Variants in COG5 observed in about 807,000 individuals in gnomAD.
COG5 encodes the protein conserved oligomeric Golgi complex subunit 5.
Under a neutral mutation model 110.4 loss-of-function variants are expected in COG5, and 86 were observed. That is an observed-to-expected ratio of 0.78 (90% confidence interval 0.65 to 0.93). COG5 has a LOEUF of 0.93. Ranked by LOEUF, COG5 falls within the 40% of genes least tolerant of loss-of-function variation. COG5 has a pLI of 0.00. For missense variants in COG5, 1,077 were observed against 987.0 expected (o/e 1.09, Z -1.22); for synonymous variants, 360 against 334.6 (o/e 1.08, Z -0.83).
At chr7:107,327,223 G>A (rs1809850649) in intron 10 of COG5, among the ~76,000 whole-genome samples, 1 of 152,074 alleles carries the variant, frequency 6.6e-6, no homozygotes, top group Admixed American at 6.6e-5. Context: ...AAATGCTGCT[G>A]GGAAAACTGG....
At position 107,415,908 on chromosome 7, in the gene COG5, ATG is replaced by A. The variant is rs1241042709; in HGVS notation, c.539-3278_539-3277del. Among the ~76,000 whole-genome samples, 16 of 116,760 alleles carry A rather than the reference ATG, an allele frequency of 1.4e-4. 4 individuals are homozygous for A. Among genetic ancestry groups the A allele is most frequent in the African/African-American group, 5.0e-4 (14 of 27,994 alleles). 76.6% of individuals were successfully genotyped at this position (116,760 alleles called of 152,430 possible). A position where few individuals can be genotyped will look rare whatever the true frequency, so the allele number is the denominator to read the frequency against. ...TATATACACACACATACACGTATGT[ATG>A]TATGTGTGTGTATATACACACACAT... On this transcript the variant is annotated intron_variant, in intron 6 of 21. Transcript: ENST00000297135.
chr7:107,480,980 C>T (rs947200063), intron 6 of COG5: 1 of 152,168 alleles, frequency 6.6e-6, no homozygotes, highest in African/African-American at 2.4e-5. Context: ...CATACATTTT[C>T]TACAGGCCTC....
chr7:107,519,174 A>G (rs1412549344), intron 6 of COG5, among the ~76,000 whole-genome samples: 1 of 152,182 alleles, frequency 6.6e-6, no homozygotes, highest in Non-Finnish European at 1.5e-5. Context: ...AATTTATAGC[A>G]CTAAATGCCC....
At chr7:107,292,553 C>G (rs1395160573) in intron 12 of COG5, among the ~76,000 whole-genome samples, 1 of 152,172 alleles carries the variant, frequency 6.6e-6, no homozygotes, top group Non-Finnish European at 1.5e-5. Context: ...ATAACAAAAG[C>G]CTACCAAGAG....
Position 107,231,235 on chromosome 7 carries a change from C to T in COG5, c.2092-544G>A, listed in dbSNP as rs1800755500. On this transcript the variant is annotated intron_variant, in intron 18 of 21. Coordinates refer to ENST00000297135, the MANE Select transcript of COG5 (RefSeq NM_006348.5). ...CATCTGTAAAATGGAGATAATAATA[C>T]CTACTTAATAGAATAATGCAAATTA... Among the ~76,000 whole-genome samples, 2 of 152,222 alleles carry T rather than the reference C, an allele frequency of 1.3e-5. 1 individual carries two copies. The highest frequency in any genetic ancestry group is 6.8e-3 in the Middle Eastern group (2 of 294).
chr7:107,557,933 T>G, intron 2 of COG5, 43 bp downstream of exon 2: 1 of 1,609,186 alleles, frequency 6.2e-7, no homozygotes, highest in Non-Finnish European at 8.5e-7. Flanking sequence ...AAATTATCAC[T>G]TTAGGCTGAA....
chr7:107,447,088 T>C (rs1199600957), intron 6 of COG5, among the ~76,000 whole-genome samples: 3 of 152,198 alleles, frequency 2.0e-5, no homozygotes, highest in African/African-American at 7.2e-5. Flanking sequence ...GTTCAGTTCC[T>C]TGTAGTTGCA....
At chr7:107,224,169 C>T (rs1373170900) in intron 19 of COG5, among the ~76,000 whole-genome samples, 5 of 151,944 alleles carry the variant, frequency 3.3e-5, no homozygotes, top group African/African-American at 9.7e-5. Flanking sequence ...GATCCACAAG[C>T]GGAAAGAAAA....
Position 107,514,329 on chromosome 7 carries a change from T to TACACAC in COG5, c.538+12902_538+12907dup, listed in dbSNP as rs61351697. Among the ~76,000 whole-genome samples the TACACAC allele has an allele frequency of 7.4e-3, 1,080 of 145,712 alleles. 11 individuals are homozygous for TACACAC. Among genetic ancestry groups the TACACAC allele is most frequent in the African/African-American group, 0.023 (909 of 39,940 alleles). ...TTTTCTATATAAACATGGCCTATTT[T>TACACAC]ACACACACACACACACACACACACA... On this transcript the variant is annotated intron_variant, in intron 6 of 21. Coordinates refer to ENST00000297135, the MANE Select transcript of COG5 (RefSeq NM_006348.5).
chr7:107,517,500 A>T lies in COG5; in HGVS notation c.538+9737T>A, dbSNP rs1800009562. ...AAATTCAGGAAATACAGAGAACACC[A>T]CTAAGATATTCCATGAGAAGATAAA... On this transcript the variant is annotated intron_variant, in intron 6 of 21. Coordinates refer to ENST00000297135, the MANE Select transcript of COG5 (RefSeq NM_006348.5). Among the ~76,000 whole-genome samples the T allele has an allele frequency of 2.6e-5, 4 of 152,140 alleles. No individual in the cohort carries two copies. The South Asian group carries it at 8.3e-4, about 32-fold the overall frequency.
intron 7 of COG5, among the ~76,000 whole-genome samples, chr7:107,389,965 A>T (rs755425344): frequency 6.6e-6 from 1 of 152,210 alleles, no homozygotes; most frequent in Non-Finnish European, 1.5e-5. Flanking sequence ...TAAGGGAACC[A>T]ATATTTCTAT....
intron 10 of COG5, among the ~76,000 whole-genome samples, chr7:107,330,869 C>A (rs1810178515): frequency 6.8e-6 from 1 of 146,954 alleles, no homozygotes; most frequent in Non-Finnish European, 1.5e-5. Context: ...GTTGCCCAGG[C>A]TGGAGTGCAG....
intron 6 of COG5, among the ~76,000 whole-genome samples, chr7:107,500,049 A>C (rs1427698756): frequency 6.6e-6 from 1 of 152,184 alleles, no homozygotes; most frequent in Non-Finnish European, 1.5e-5. Flanking sequence ...ATTAGGAAGA[A>C]GAGCACTCAA....
chr7:107,480,431 G>A (rs1215422107), intron 6 of COG5, among the ~76,000 whole-genome samples: 1 of 152,052 alleles, frequency 6.6e-6, no homozygotes, highest in Non-Finnish European at 1.5e-5. Flanking sequence ...TGAACTCTAA[G>A]AAAGTTAAAA....
At chr7:107,229,597 C>T (rs941500611) in intron 19 of COG5, among the ~76,000 whole-genome samples, 1 of 152,096 alleles carries the variant, frequency 6.6e-6, no homozygotes, top group Admixed American at 6.5e-5. Context: ...TGTTATTCAA[C>T]GTTCCTTAAA....
chr7:107,205,712 C>T (rs1334308905), intron 21 of COG5, among the ~76,000 whole-genome samples: 1 of 152,154 alleles, frequency 6.6e-6, no homozygotes, highest in African/African-American at 2.4e-5. Flanking sequence ...TCTTAGGACT[C>T]GGCTTCAATG....
chr7:107,364,619 C>G (rs1292517597), intron 8 of COG5, among the ~76,000 whole-genome samples: 6 of 152,056 alleles, frequency 3.9e-5, no homozygotes, highest in Admixed American at 3.3e-4. Flanking sequence ...ACGTTTAATA[C>G]CAGGCAGTAG....
intron 14 of COG5, among the ~76,000 whole-genome samples, chr7:107,275,191 C>A (rs947923779): frequency 6.6e-6 from 1 of 151,860 alleles, no homozygotes; most frequent in Admixed American, 6.6e-5. Context: ...ATCAAGAGGG[C>A]CAGGCGCAGT....
At chr7:107,511,471 G>A (rs913925035) in intron 6 of COG5, among the ~76,000 whole-genome samples, 40 of 152,306 alleles carry the variant, frequency 2.6e-4, no homozygotes, top group African/African-American at 9.6e-4. Flanking sequence ...GACGTACAAG[G>A]AGGAGCTGGT....
Sources: allele counts gnomAD v4.1 joint callset (sites outside exome capture counted in the v4.1 genomes callset), GRCh38; gene constraint gnomAD v4.1.1; transcripts MANE v1.5; gene names NCBI Gene and HGNC (gene_info 2026-07-23, HGNC 2026-07-21).